MYOM3: variants seen among roughly 807,000 people sequenced by gnomAD.
MYOM3 encodes myomesin 3.
A neutral mutation model predicts 191.7 loss-of-function variants in MYOM3; 155 were observed. The ratio of observed to expected loss-of-function variants is 0.81; its 90% CI spans 0.71 to 0.92. MYOM3 has a LOEUF of 0.92. Among genes scored for constraint, MYOM3 ranks in the 40% least tolerant of loss-of-function variants. The pLI is 0.00. For missense variants in MYOM3, 1,889 were observed against 1,890.6 expected, an observed-to-expected ratio of 1.00 and a Z score of 0.02; for synonymous variants, 757 against 762.9, an observed-to-expected ratio of 0.99 and a Z score of 0.13.
Position 24,067,002 on chromosome 1 carries a change from A to G in MYOM3, c.3423+19T>C, listed in dbSNP as rs1288439379. 2 of 1,557,380 alleles carry G rather than the reference A, an allele frequency of 1.3e-6. No individual in the cohort carries two copies. Among genetic ancestry groups the G allele is most frequent in the Admixed American group, 3.8e-5 (2 of 52,706 alleles). ...GTCCCCCTGCACTGGGCCTGGGGGCAGGGCAGGGCAGGACTTGCCTTGCAC... is the reference window on the plus strand; with the variant it reads ...GTCCCCCTGCACTGGGCCTGGGGGCGGGGCAGGGCAGGACTTGCCTTGCAC... On this transcript the variant is annotated intron_variant, in intron 28 of 36. Transcript: ENST00000374434.
chr1:24,075,481 G>T lies in MYOM3; in HGVS notation c.2702-6C>A. ...AACCTCGATCTCATGGGCACCTGAGGGCGAGATCCAACAGAGGGCAGCGGA... is the reference window on the plus strand; with the variant it reads ...AACCTCGATCTCATGGGCACCTGAGTGCGAGATCCAACAGAGGGCAGCGGA... On this transcript the variant is annotated splice_region_variant and splice_polypyrimidine_tract_variant and intron_variant, in intron 21 of 36. Coordinates refer to ENST00000374434, the MANE Select transcript of MYOM3 (RefSeq NM_152372.4). 1 of 1,556,458 alleles carries T rather than the reference G, an allele frequency of 6.4e-7. No homozygotes were observed. Among genetic ancestry groups the T allele is most frequent in the Non-Finnish European group, 8.7e-7 (1 of 1,154,634 alleles).
chr1:24,095,153 T>C (rs4520362), intron 8 of MYOM3, among the ~76,000 whole-genome samples, 163 bp from the exon 9 acceptor site: 68,601 of 151,992 alleles, frequency 0.45, 15,895 homozygotes, highest in African/African-American at 0.49. Flanking sequence ...ATCTAGGTAG[T>C]GGTCAGAGCA....
At chr1:24,081,248 G>A (rs1643663934) in intron 19 of MYOM3, 82 bp downstream of exon 19, 2 of 1,559,938 alleles carry the variant, frequency 1.3e-6, no homozygotes, top group African/African-American at 2.7e-5. Flanking sequence ...GCATAGAGGA[G>A]AGCGGCAACC....
rs143871016 is a variant in MYOM3 at position 24,092,984 on chromosome 1, G to A, written c.1053C>T (p.Phe351=). Residue 351 remains phenylalanine (F), a synonymous_variant, in exon 10 of 37, where the codon TTC becomes TTT. Transcript: ENST00000374434. ...GLYMVRVPSP[F]GPREQSTYVL... is the part of the protein sequence containing the mutation. Reference sequence around the variant, plus strand: ...CGTAGGTGCTCTGTTCCCGGGGTCCGAAGGGCGAGGGCACCCGGACCATGT... The same window carrying A: ...CGTAGGTGCTCTGTTCCCGGGGTCCAAAGGGCGAGGGCACCCGGACCATGT... 29 of 1,607,694 alleles carry A rather than the reference G, an allele frequency of 1.8e-5. No homozygotes were observed. The East Asian group carries it at 3.8e-4, about 21-fold the overall frequency.
At chr1:24,108,447 T>C in intron 2 of MYOM3, 29 bp downstream of exon 2, 1 of 1,515,670 alleles carries the variant, frequency 6.6e-7, no homozygotes, top group Non-Finnish European at 8.9e-7. Context: ...AACAGGGCAG[T>C]GGCTGGGCGG....
At chr1:24,074,738 G>A (rs1643575385) in intron 22 of MYOM3, among the ~76,000 whole-genome samples, 1 of 152,178 alleles carries the variant, frequency 6.6e-6, no homozygotes, top group Non-Finnish European at 1.5e-5. Flanking sequence ...TCTCCTTGAA[G>A]GTACTTAGTT....
Position 24,111,508 on chromosome 1 carries a change from GA to G in MYOM3, c.-19+522del, listed in dbSNP as rs1032926904. 2.0e-5 allele frequency among the ~76,000 whole-genome samples: 3 copies of G among 152,210 alleles called. No homozygotes were observed. Among genetic ancestry groups the G allele is most frequent in the African/African-American group, 7.2e-5 (3 of 41,460 alleles). On this transcript the variant is annotated intron_variant, in intron 1 of 36. Transcript: ENST00000374434. The surrounding 1 kb of genome is among the most constrained non-coding windows in gnomAD (Gnocchi z 4.7). The stretch of plus-strand genomic sequence containing the variant: ...ATCCTGCCCTTGCCAGTCATGAGCT[GA>G]GGCAACTCCTTTCCCGTCTGGGCCT...
intron 9 of MYOM3, 82 bp downstream of exon 9, chr1:24,094,771 C>A (rs769416898): frequency 7.2e-6 from 10 of 1,393,576 alleles, no homozygotes; most frequent in Non-Finnish European, 9.8e-6. Context: ...AGTCTCTGTC[C>A]GCTAGGGGTC....
Position 24,063,937 on chromosome 1 carries a change from G to A in MYOM3, c.3622+135C>T, listed in dbSNP as rs116108971. The A allele has an allele frequency of 2.1e-3, 1,481 of 718,284 alleles. 5 individuals carry two copies. Among genetic ancestry groups the A allele is most frequent in the Non-Finnish European group, 2.5e-3 (1,071 of 428,006 alleles). The allele number at this position is 718,284 out of a possible 1,614,324, so 44.5% of individuals were successfully genotyped here. On this transcript the variant is annotated intron_variant, in intron 30 of 36. Coordinates refer to ENST00000374434, the MANE Select transcript of MYOM3 (RefSeq NM_152372.4). This position sits in a 1 kb window ranked among gnomAD's most constrained non-coding sequence, Gnocchi z 4.5. ...CCACTGACTAGATGTGGAATCTTGG[G>A]CAAGTTACTTAATCTCTTTGTGCCT...
chr1:24,094,297 G>C lies in MYOM3; in HGVS notation c.928+556C>G, dbSNP rs993397730. Among the ~76,000 whole-genome samples the C allele has an allele frequency of 4.0e-5, 6 of 151,120 alleles. No homozygotes were observed. In the Admixed American group the frequency reaches 4.0e-4, roughly 10 times the overall value. ...AGCGATTCTCCTGCCTCAGCCTCCC[G>C]AGTAGCTAGATTACAGGCACCCACC... On this transcript the variant is annotated intron_variant, in intron 9 of 36. Transcript: ENST00000374434.
chr1:24,067,888 G>T, intron 27 of MYOM3, 82 bp downstream of exon 27: 1 of 1,392,318 alleles, frequency 7.2e-7, no homozygotes. Flanking sequence ...AGCAGGGCTG[G>T]GGTTCCCATT....
At chr1:24,066,750 C>G (rs562080907) in intron 28 of MYOM3, 117 of 480,238 alleles carry the variant, frequency 2.4e-4, no homozygotes, top group African/African-American at 2.2e-3. Context: ...GCTCCTAGAC[C>G]CCCTGACCCC....
chr1:24,080,224 T>C (rs1294924196), intron 19 of MYOM3, 30 bp from the exon 20 acceptor site: 2 of 1,573,708 alleles, frequency 1.3e-6, no homozygotes, highest in African/African-American at 2.7e-5. Context: ...GGAAGAGATG[T>C]GTGAGTTGGG....
chr1:24,090,974 A>G lies in MYOM3; in HGVS notation c.1255T>C (p.Trp419Arg). 1 of 1,613,868 alleles carries G rather than the reference A, an allele frequency of 6.2e-7. No individual in the cohort carries two copies. The highest frequency in any genetic ancestry group is 8.5e-7 in the Non-Finnish European group (1 of 1,179,948). Residue 419 changes from tryptophan to arginine, a missense_variant, in exon 12 of 37, where the codon TGG (tryptophan) becomes CGG (arginine). Coordinates refer to ENST00000374434, the MANE Select transcript of MYOM3 (RefSeq NM_152372.4). The stretch of plus-strand genomic sequence containing the variant: ...CCGGGGGCCTCATGGCAGGCGATCC[A>G]TTCCCCAGACTCGCCCTGGCACCTG... ...IERCQGESGE[W>R]IACHEAPGGT...
Position 24,084,628 on chromosome 1 carries a change from G to C in MYOM3, c.1810C>G (p.Pro604Ala). The C allele has an allele frequency of 6.2e-7, 1 of 1,611,226 alleles. No individual in the cohort carries two copies. Among genetic ancestry groups the C allele is most frequent in the Non-Finnish European group, 8.5e-7 (1 of 1,178,670 alleles). ...ALRGPPATLP[P>A]PAQVQAFRDT... ...CTGAAAGCTTGAACTTGAGCTGGAG[G>C]AGGGAGGGTAGCTAAAAAATAGAAA... The change falls in exon 16 of 37, where the codon CCT (proline) becomes GCT (alanine). Residue 604 changes from proline to alanine, a missense_variant. Pro to Ala is a conservative substitution (Grantham distance 27). Coordinates refer to ENST00000374434, the MANE Select transcript of MYOM3 (RefSeq NM_152372.4).
chr1:24,072,077 G>A (rs569168710), intron 23 of MYOM3, 64 bp from the exon 24 acceptor site: 8 of 1,501,106 alleles, frequency 5.3e-6, no homozygotes, highest in East Asian at 2.3e-5. Context: ...GGGGTGGGGG[G>A]CCCACAGGAG....
At chr1:24,059,259 T>C (rs12723717) in intron 35 of MYOM3, among the ~76,000 whole-genome samples, 39,073 of 152,156 alleles carry the variant, frequency 0.26, 5,302 homozygotes, top group South Asian at 0.45. Context: ...CTCAGCCTCC[T>C]GAGCAGCTGG....
In MYOM3 at chr1:24,108,608, G is replaced by T. The variant is rs771222841; in HGVS notation, c.29C>A (p.Ala10Glu). 3.8e-6 allele frequency: 6 copies of T among 1,566,938 alleles called. No homozygotes were observed. In the East Asian group the frequency reaches 1.2e-4, roughly 31 times the overall value. The change falls in exon 2 of 37, where the codon GCG (alanine) becomes GAG (glutamate). Residue 10 changes from alanine (A) to glutamate (E), a missense_variant. Physicochemically the swap from Ala to Glu is moderately radical, Grantham distance 107. Transcript: ENST00000374434. MTLPHSLGG[A>E]GDPRPPQAME... is the part of the protein sequence containing the mutation. Reference sequence around the variant, plus strand: ...GGCCTGGGGGGGCCGGGGGTCCCCCGCACCTCCCAAGCTGTGCGGCAGAGT... The same window carrying T: ...GGCCTGGGGGGGCCGGGGGTCCCCCTCACCTCCCAAGCTGTGCGGCAGAGT...
intron 25 of MYOM3, among the ~76,000 whole-genome samples, chr1:24,070,132 C>T (rs995451796): frequency 6.6e-6 from 1 of 151,994 alleles, no homozygotes; most frequent in Non-Finnish European, 1.5e-5. Flanking sequence ...AGAAATAAGT[C>T]GTTTAAAATA....
Sources: gnomAD v4.1 joint callset for allele counts (sites outside exome capture counted in the v4.1 genomes callset) on GRCh38, gnomAD v4.1.1 for gene constraint, Gnocchi (gnomAD v3.1) non-coding constraint, MANE v1.5 for transcripts, NCBI Gene and HGNC (gene_info 2026-07-23, HGNC 2026-07-21) for gene names.